Variants in DCAF8L2 observed in about 807,000 individuals in gnomAD.
DCAF8L2 encodes the protein DDB1- and CUL4-associated factor 8-like protein 2.
For missense variants in DCAF8L2, 430 were observed against 490.7 expected, an observed-to-expected ratio of 0.88 and a Z score of 1.17; for synonymous variants, 200 against 190.9, an observed-to-expected ratio of 1.05 and a Z score of -0.39.
the DCAF8L2 span, among the ~76,000 whole-genome samples, chrX:27,552,081 C>T: frequency 1.7e-4 from 19 of 111,141 alleles, no homozygotes; most frequent in East Asian, 4.8e-3. Context: ...ATTTCCCTGA[C>T]GATTAGTGAT....
chrX:27,502,330 AAAAAAATATATAT>A, the DCAF8L2 span, among the ~76,000 whole-genome samples: 1 of 35,075 alleles, frequency 2.9e-5, no homozygotes, highest in Non-Finnish European at 4.7e-5. Flanking sequence ...AAAAAAAAAA[AAAAAAATATATAT>A]ATATATATAT....
At chrX:27,521,404 A>G in the DCAF8L2 span, among the ~76,000 whole-genome samples, 1 of 112,243 alleles carries the variant, frequency 8.9e-6, no homozygotes, top group Non-Finnish European at 1.9e-5. Context: ...GATTTTACAC[A>G]TCTCTGTCTC....
intron 3 of DCAF8L2, among the ~76,000 whole-genome samples, chrX:27,681,483 A>C (rs1377608029): frequency 8.9e-6 from 1 of 111,884 alleles, no homozygotes; most frequent in African/African-American, 3.2e-5. Context: ...CCACTCTAAA[A>C]TGATATCTCA....
At chrX:27,545,038 T>A in the DCAF8L2 span, among the ~76,000 whole-genome samples, 1 of 111,945 alleles carries the variant, frequency 8.9e-6, no homozygotes, top group Non-Finnish European at 1.9e-5. Flanking sequence ...CTCAGCACAA[T>A]ATGAATGAAA....
intron 1 of DCAF8L2, among the ~76,000 whole-genome samples, chrX:27,624,070 T>G (rs1441917299): frequency 8.9e-6 from 1 of 111,982 alleles, no homozygotes; most frequent in Admixed American, 9.5e-5. Flanking sequence ...TACATGTATT[T>G]TCTCTAGTTA....
At chrX:27,722,202 C>CT (rs1266554616) in intron 4 of DCAF8L2, among the ~76,000 whole-genome samples, 1 of 111,138 alleles carries the variant, frequency 9.0e-6, no homozygotes, top group Non-Finnish European at 1.9e-5. Flanking sequence ...CAAATCTGTC[C>CT]TTTTTTAAAA....
chrX:27,702,949 A>G (rs972786705), intron 3 of DCAF8L2, among the ~76,000 whole-genome samples: 1 of 111,601 alleles, frequency 9.0e-6, no homozygotes, highest in Non-Finnish European at 1.9e-5. Context: ...CAGGAAACCT[A>G]AGGAATCCAC....
At chrX:27,529,842 A>G in the DCAF8L2 span, among the ~76,000 whole-genome samples, 1 of 112,056 alleles carries the variant, frequency 8.9e-6, no homozygotes, top group Non-Finnish European at 1.9e-5. Flanking sequence ...GCTAAACAAA[A>G]TATCTTGGGA....
At chrX:27,635,473 T>G (rs1280161817) in intron 2 of DCAF8L2, among the ~76,000 whole-genome samples, 1 of 111,569 alleles carries the variant, frequency 9.0e-6, no homozygotes, top group Non-Finnish European at 1.9e-5. Flanking sequence ...GTACTCAATT[T>G]AATGTTTTCC....
At chrX:27,622,289 G>GC (rs1309206285) in intron 1 of DCAF8L2, among the ~76,000 whole-genome samples, 6 of 100,606 alleles carry the variant, frequency 6.0e-5, no homozygotes, top group African/African-American at 1.8e-4. Context: ...GCCGGGCGTA[G>GC]TGGCGGACAC....
chrX:27,474,902 G>A, the DCAF8L2 span, among the ~76,000 whole-genome samples: 1 of 110,589 alleles, frequency 9.0e-6, no homozygotes, highest in Non-Finnish European at 1.9e-5. Flanking sequence ...AGTGAAGGCG[G>A]TAAAGGAGAA....
the DCAF8L2 span, chrX:27,518,264 A>G: frequency 1.2e-5 from 11 of 897,959 alleles, no homozygotes; most frequent in African/African-American, 2.0e-5. Context: ...TACCTGGCTA[A>G]TGATAGAATC....
chrX:27,536,205 C>A, the DCAF8L2 span, among the ~76,000 whole-genome samples: 1 of 112,270 alleles, frequency 8.9e-6, no homozygotes, highest in South Asian at 3.7e-4. Flanking sequence ...CGAAACCCAA[C>A]TAATTAATAA....
At chrX:27,652,630 T>C (rs1338812537) in intron 2 of DCAF8L2, among the ~76,000 whole-genome samples, 1 of 112,170 alleles carries the variant, frequency 8.9e-6, no homozygotes, top group African/African-American at 3.2e-5. Flanking sequence ...AGAAAAACCA[T>C]TACTAACATG....
chrX:27,576,509 T>C, the DCAF8L2 span, among the ~76,000 whole-genome samples: 1 of 112,281 alleles, frequency 8.9e-6, no homozygotes, highest in Non-Finnish European at 1.9e-5. Context: ...TTAGTGGTGA[T>C]GGTTTAAAAA....
chrX:27,485,578 A>G, the DCAF8L2 span, among the ~76,000 whole-genome samples: 1 of 111,883 alleles, frequency 8.9e-6, no homozygotes, highest in African/African-American at 3.2e-5. Context: ...GATTAAAAAT[A>G]CAAATGAACA....
Position 27,746,912 on chromosome X carries a change from G to T in DCAF8L2, c.17G>T (p.Gly6Val). 8.3e-7 allele frequency: 1 copy of T among 1,203,441 alleles called. No individual in the cohort carries two copies. The highest frequency in any genetic ancestry group is 1.1e-6 in the Non-Finnish European group (1 of 891,318). Reference sequence around the variant, plus strand: ...TCGTTCAAGATGTCCCACCAAGAAGGCAGCACAGACGGCTTACCAGACTTA... The same window carrying T: ...TCGTTCAAGATGTCCCACCAAGAAGTCAGCACAGACGGCTTACCAGACTTA... MSHQEGSTDGLPDLGT... is the reference protein window; with the variant it reads MSHQEVSTDGLPDLGT... The change falls in exon 5 of 5, where the codon GGC becomes GTC. Residue 6 changes from glycine (G) to valine (V), a missense_variant. Transcript: ENST00000451261.
chrX:27,537,114 T>G, the DCAF8L2 span, among the ~76,000 whole-genome samples: 4 of 111,991 alleles, frequency 3.6e-5, no homozygotes, highest in African/African-American at 1.3e-4. Flanking sequence ...AAAAATTGTG[T>G]TTTTACTGAA....
chrX:27,564,015 GCA>G, the DCAF8L2 span, among the ~76,000 whole-genome samples: 1 of 111,900 alleles, frequency 8.9e-6, no homozygotes, highest in Non-Finnish European at 1.9e-5. Flanking sequence ...CAATGTTTGT[GCA>G]TATGTATTAG....
Sources: gnomAD v4.1 joint callset for allele counts (sites outside exome capture counted in the v4.1 genomes callset) on GRCh38, gnomAD v4.1.1 for gene constraint, MANE v1.5 for transcripts, NCBI Gene and HGNC (gene_info 2026-07-23, HGNC 2026-07-21) for gene names.